The following PHF14 variants were observed in gnomAD, a reference collection of about 807,000 sequenced individuals.
PHF14 encodes the protein PHD finger protein 14.
Under a neutral mutation model 117.9 loss-of-function variants are expected in PHF14, and 55 were observed. The ratio of observed to expected loss-of-function variants is 0.47; its 90% confidence interval spans 0.38 to 0.58. PHF14 has a LOEUF of 0.58. PHF14 is among the 20% of genes least tolerant of loss of function. The pLI is 0.00. For synonymous variants in PHF14, 409 were observed against 368.6 expected (o/e 1.11, Z -1.26); for missense variants, 978 against 1,122.2 (o/e 0.87, Z 1.84).
At chr7:11,118,179 G>C (rs548981281) in intron 17 of PHF14, among the ~76,000 whole-genome samples, 1 of 151,988 alleles carries the variant, frequency 6.6e-6, no homozygotes, top group South Asian at 2.1e-4. Context: ...GAATTAAATA[G>C]AACAAATCTG....
chr7:11,036,310 A>C, intron 8 of PHF14, 108 bp from the exon 9 acceptor site: 1 of 960,056 alleles, frequency 1.0e-6, no homozygotes, highest in Non-Finnish European at 1.5e-6. Flanking sequence ...TGGTGTGAGA[A>C]GTTCTGATTA....
At chr7:11,010,842 A>G (rs1783330393) in intron 4 of PHF14, among the ~76,000 whole-genome samples, 1 of 152,036 alleles carries the variant, frequency 6.6e-6, no homozygotes, top group Non-Finnish European at 1.5e-5. Flanking sequence ...TTTTGTAGAG[A>G]CAGGGCCTTA....
At chr7:11,102,891 C>A in intron 16 of PHF14, 1 of 1,123,946 alleles carries the variant, frequency 8.9e-7, no homozygotes, top group Non-Finnish European at 1.1e-6. Flanking sequence ...AATGTTGATA[C>A]ACAGTGTTTG....
chr7:11,162,127 C>T (rs1789061839), intron 17 of PHF14, among the ~76,000 whole-genome samples: 1 of 114,282 alleles, frequency 8.8e-6, no homozygotes. Flanking sequence ...CTTGCTCTGT[C>T]TCCCAGGCTG....
chr7:11,124,849 T>C (rs1303446683), intron 17 of PHF14, among the ~76,000 whole-genome samples: 1 of 152,184 alleles, frequency 6.6e-6, no homozygotes, highest in African/African-American at 2.4e-5. Flanking sequence ...ATTTTTCTAT[T>C]ATAAATAAAC....
chr7:11,013,619 C>G, intron 4 of PHF14, 128 bp from the exon 5 acceptor site: 3 of 508,812 alleles, frequency 5.9e-6, no homozygotes, highest in Non-Finnish European at 7.0e-6. Context: ...TATTTTAATA[C>G]GTTTCTTATA....
intron 16 of PHF14, among the ~76,000 whole-genome samples, chr7:11,099,783 C>CT (rs1421250488): frequency 6.6e-6 from 1 of 151,956 alleles, no homozygotes; most frequent in Admixed American, 6.6e-5. Context: ...ACTTTTATAA[C>CT]TGAGAGATTT....
At chr7:11,088,397 CACACAA>C (rs1242722155) in intron 16 of PHF14, among the ~76,000 whole-genome samples, 2 of 109,192 alleles carry the variant, frequency 1.8e-5, no homozygotes, top group African/African-American at 7.8e-5. Flanking sequence ...TGTTCACATA[CACACAA>C]ACACACACAC....
At position 11,016,239 on chromosome 7, in the gene PHF14, C is replaced by T. The variant is rs181661765; in HGVS notation, c.1205+2333C>T. ...GTAGGCTGTACTGGAAATTATAGGC[C>T]TTCACAATATTTCCAAGGACGTAAT... On this transcript the variant is annotated intron_variant, in intron 5 of 17. Coordinates refer to ENST00000634607, the MANE Select transcript of PHF14 (RefSeq NM_001007157.2). Among the ~76,000 whole-genome samples the T allele has an allele frequency of 1.1e-3, 164 of 152,106 alleles. 1 individual carries two copies. The highest frequency in any genetic ancestry group is 3.8e-3 in the African/African-American group (156 of 41,520).
intron 17 of PHF14, among the ~76,000 whole-genome samples, chr7:11,166,399 G>A (rs1189671548): frequency 2.6e-5 from 4 of 151,232 alleles, no homozygotes; most frequent in Admixed American, 2.6e-4. Flanking sequence ...GTAAAGAAAT[G>A]CTTTGGTAAA....
At chr7:11,009,886 C>T (rs574352162) in intron 4 of PHF14, among the ~76,000 whole-genome samples, 6 of 152,158 alleles carry the variant, frequency 3.9e-5, no homozygotes, top group African/African-American at 7.2e-5. Flanking sequence ...AGAATCATTC[C>T]TAAGATTAAC....
At chr7:11,166,849 G>A (rs1292325982) in intron 17 of PHF14, among the ~76,000 whole-genome samples, 8 of 152,140 alleles carry the variant, frequency 5.3e-5, no homozygotes. Context: ...GTGTGAAACA[G>A]TTATGTACCT....
At chr7:11,145,721 A>T (rs142099284) in intron 17 of PHF14, among the ~76,000 whole-genome samples, 2 of 152,116 alleles carry the variant, frequency 1.3e-5, no homozygotes, top group Non-Finnish European at 2.9e-5. Flanking sequence ...AAATATACTA[A>T]TGAGCATAAA....
chr7:11,009,688 A>G (rs994072172), intron 4 of PHF14, among the ~76,000 whole-genome samples: 5 of 152,250 alleles, frequency 3.3e-5, no homozygotes, highest in African/African-American at 9.6e-5. Flanking sequence ...TGACAGAGAA[A>G]TATGGGATAA....
intron 4 of PHF14, among the ~76,000 whole-genome samples, chr7:10,999,652 T>G (rs1028107308): frequency 2.6e-5 from 4 of 152,230 alleles, no homozygotes; most frequent in African/African-American, 9.6e-5. Context: ...CTGACATGCT[T>G]ACAGCTATTG....
At chr7:11,098,017 A>C (rs1399238776) in intron 16 of PHF14, among the ~76,000 whole-genome samples, 1 of 152,172 alleles carries the variant, frequency 6.6e-6, no homozygotes, top group South Asian at 2.1e-4. Flanking sequence ...CCTTTAAAAA[A>C]GTCTTTTTTA....
intron 17 of PHF14, among the ~76,000 whole-genome samples, chr7:11,134,607 C>G (rs1788167729): frequency 6.6e-6 from 1 of 151,878 alleles, no homozygotes; most frequent in Non-Finnish European, 1.5e-5. Flanking sequence ...TCAGAGTAGC[C>G]ACAGGATCAC....
In PHF14 at chr7:11,163,297, T is replaced by C. The variant is rs149336883; in HGVS notation, c.2773-6119T>C. ...CTTGTATCATACAAAAAAATTCTTA[T>C]GCTTTTTACAGTAAATTTAATTAAG... On this transcript the variant is annotated intron_variant, in intron 17 of 17. Transcript: ENST00000634607. Among the ~76,000 whole-genome samples the C allele has an allele frequency of 1.2e-3, 183 of 152,344 alleles. 1 individual carries two copies. The highest frequency in any genetic ancestry group is 4.2e-3 in the African/African-American group (173 of 41,586).
At chr7:11,070,469 T>C (rs1010220276) in intron 16 of PHF14, among the ~76,000 whole-genome samples, 1 of 152,252 alleles carries the variant, frequency 6.6e-6, no homozygotes, top group African/African-American at 2.4e-5. Context: ...TCTTTAGTCA[T>C]GCTGGCCTTT....
Sources: allele counts gnomAD v4.1 joint callset (sites outside exome capture counted in the v4.1 genomes callset), GRCh38; gene constraint gnomAD v4.1.1; transcripts MANE v1.5; gene names NCBI Gene and HGNC (gene_info 2026-07-23, HGNC 2026-07-21).